ITM2B: variants seen among roughly 807,000 people sequenced by gnomAD.
ITM2B encodes the protein integral membrane protein 2B.
Under a neutral mutation model 27.8 loss-of-function variants are expected in ITM2B, and 11 were observed. That is an observed-to-expected ratio of 0.40 (90% CI 0.25 to 0.66). The LOEUF (loss-of-function observed/expected upper bound fraction) is 0.66. ITM2B is among the 30% of genes least tolerant of loss of function. The pLI, the probability that ITM2B is intolerant of heterozygous loss-of-function variation, is 0.43. For synonymous variants in ITM2B, 114 were observed against 114.3 expected (o/e 1.00, Z 0.02); for missense variants, 296 against 328.9 (o/e 0.90, Z 0.77).
At chr13:48,233,674 G>T (rs1951650352) in intron 1 of ITM2B, among the ~76,000 whole-genome samples, 197 bp downstream of exon 1, 1 of 152,150 alleles carries the variant, frequency 6.6e-6, no homozygotes, top group Admixed American at 6.5e-5. Context: ...TGGAAGCGGT[G>T]CCTGACGCGG....
chr13:48,252,406 TC>T (rs1951760607), intron 1 of ITM2B, among the ~76,000 whole-genome samples: 1 of 152,226 alleles, frequency 6.6e-6, no homozygotes, highest in Non-Finnish European at 1.5e-5. Flanking sequence ...CTCCGCCTCC[TC>T]TCAGATCAGC....
rs773922518 is a variant in ITM2B, at chr13:48,258,869, G to A, written c.637G>A (p.Asp213Asn). The A allele has an allele frequency of 6.2e-7, 1 of 1,613,402 alleles. No homozygotes were observed. Among genetic ancestry groups the A allele is most frequent in the Non-Finnish European group, 8.5e-7 (1 of 1,179,410 alleles). Residue 213 changes from aspartate to asparagine, a missense_variant, in exon 5 of 6, where the codon GAT (aspartate) becomes AAT (asparagine). Coordinates refer to ENST00000647800, the MANE Select transcript of ITM2B (RefSeq NM_021999.5). The part of the protein sequence containing the change: ...MVITDRIENI[D>N]HLGFFIYRLC... The stretch of plus-strand genomic sequence containing the variant: ...TATTACTGATCGCATTGAAAACATT[G>A]ATCACCTGGGTTTCTTTATTTATCG...
At chr13:48,238,828 T>A (rs1217980379) in intron 1 of ITM2B, among the ~76,000 whole-genome samples, 1 of 152,224 alleles carries the variant, frequency 6.6e-6, no homozygotes, top group South Asian at 2.1e-4. Context: ...AATTATTATT[T>A]TTTTTTAGTG....
chr13:48,266,835 T>C lies in ITM2B; in HGVS notation c.*5611T>C, dbSNP rs1318631026. On this transcript the variant is annotated 3_prime_UTR_variant, in exon 6 of 6. Coordinates refer to ENST00000647800, the MANE Select transcript of ITM2B (RefSeq NM_021999.5). Reference sequence around the variant, plus strand: ...TTAAGATTTTCATATGACAGAAGTGTATATATATCCACAAATGTTTCAAGC... The same window carrying C: ...TTAAGATTTTCATATGACAGAAGTGCATATATATCCACAAATGTTTCAAGC... 3.3e-5 allele frequency: 5 copies of C among 152,162 alleles called. No individual in the cohort carries two copies. Among genetic ancestry groups the C allele is most frequent in the African/African-American group, 1.2e-4 (5 of 41,428 alleles). The allele number at this position is 152,162 out of a possible 1,614,324, so 9.4% of individuals were successfully genotyped here. A position where few individuals can be genotyped will look rare whatever the true frequency, so the allele number is the denominator to read the frequency against.
chr13:48,239,132 C>T (rs1286552715), intron 1 of ITM2B, among the ~76,000 whole-genome samples: 2 of 152,162 alleles, frequency 1.3e-5, no homozygotes, highest in Admixed American at 6.5e-5. Context: ...TTTAGCTTTG[C>T]ATTATCAGTT....
rs1387576089 is a variant in ITM2B, at chr13:48,265,258, G to T, written c.*4034G>T. ...CCCATTCCCCAACAGTTTAACGTGC[G>T]ATACAATAATGTGTGACACAAAATG... On this transcript the variant is annotated 3_prime_UTR_variant, in exon 6 of 6. Transcript: ENST00000647800. The T allele has an allele frequency of 6.6e-6, 1 of 152,110 alleles. No homozygotes were observed. Among genetic ancestry groups the T allele is most frequent in the Non-Finnish European group, 1.5e-5 (1 of 68,016 alleles). 9.4% of individuals were successfully genotyped at this position (152,110 alleles called of 1,614,324 possible).
chr13:48,237,179 A>G (rs1406625308), intron 1 of ITM2B, among the ~76,000 whole-genome samples: 1 of 152,192 alleles, frequency 6.6e-6, no homozygotes, highest in Non-Finnish European at 1.5e-5. Flanking sequence ...GCCATTTACT[A>G]TAATGTTGAT....
chr13:48,245,091 T>C (rs184369870), intron 1 of ITM2B, among the ~76,000 whole-genome samples: 242 of 152,252 alleles, frequency 1.6e-3, no homozygotes, highest in African/African-American at 5.5e-3. Context: ...TTTGGGAGGC[T>C]GAGGCGGGCG....
At chr13:48,250,471 A>C (rs1951748883) in intron 1 of ITM2B, among the ~76,000 whole-genome samples, 1 of 152,086 alleles carries the variant, frequency 6.6e-6, no homozygotes, top group Non-Finnish European at 1.5e-5. Context: ...ACAAAAAATT[A>C]GCCGGGTGTG....
At chr13:48,250,210 A>G (rs969741906) in intron 1 of ITM2B, among the ~76,000 whole-genome samples, 6 of 152,218 alleles carry the variant, frequency 3.9e-5, no homozygotes, top group African/African-American at 1.2e-4. Flanking sequence ...AAATAGCCAC[A>G]GTTTGTTTTA....
Position 48,256,171 on chromosome 13 carries a change from C to G in ITM2B, c.247-6C>G. 3 of 1,605,128 alleles carry G rather than the reference C, an allele frequency of 1.9e-6. No individual in the cohort carries two copies. Among genetic ancestry groups the G allele is most frequent in the Non-Finnish European group, 2.6e-6 (3 of 1,172,502 alleles). On this transcript the variant is annotated splice_region_variant and splice_polypyrimidine_tract_variant and intron_variant, in intron 2 of 5. Coordinates refer to ENST00000647800, the MANE Select transcript of ITM2B (RefSeq NM_021999.5). ...TTGCTGAAATGAGTCTTTAAACTCTCTATAGCCAGATGACGTGTACTACTG... is the reference window on the plus strand; with the variant it reads ...TTGCTGAAATGAGTCTTTAAACTCTGTATAGCCAGATGACGTGTACTACTG...
At chr13:48,253,699 C>T in intron 1 of ITM2B, 109 bp from the exon 2 acceptor site, 2 of 1,132,270 alleles carry the variant, frequency 1.8e-6, no homozygotes, top group Non-Finnish European at 2.7e-6. Flanking sequence ...CTCCTTTGGT[C>T]TTTGTGTCTT....
chr13:48,246,167 C>T (rs73485065), intron 1 of ITM2B, among the ~76,000 whole-genome samples: 1 of 152,264 alleles, frequency 6.6e-6, no homozygotes, highest in African/African-American at 2.4e-5. Flanking sequence ...TGGTATAATT[C>T]CCAATTTTGA....
intron 3 of ITM2B, among the ~76,000 whole-genome samples, 190 bp from the exon 4 acceptor site, chr13:48,257,936 T>C (rs1366152646): frequency 6.6e-6 from 1 of 152,206 alleles, no homozygotes; most frequent in Admixed American, 6.5e-5. Context: ...TATTTACTGG[T>C]AGCAATATTT....
At position 48,266,159 on chromosome 13, in the gene ITM2B, G is replaced by A. The variant is rs1053578016; in HGVS notation, c.*4935G>A. ...TGAGTTGCCTTGAATATAAGATTCAGTGATGGTGTCCTGCTGCACTTAAGA... is the reference window on the plus strand; with the variant it reads ...TGAGTTGCCTTGAATATAAGATTCAATGATGGTGTCCTGCTGCACTTAAGA... On this transcript the variant is annotated 3_prime_UTR_variant, in exon 6 of 6. Coordinates refer to ENST00000647800, the MANE Select transcript of ITM2B (RefSeq NM_021999.5). 2.0e-5 allele frequency: 3 copies of A among 152,152 alleles called. No individual in the cohort carries two copies. Among genetic ancestry groups the A allele is most frequent in the African/African-American group, 7.2e-5 (3 of 41,422 alleles). The allele number at this position is 152,152 out of a possible 1,614,324, so 9.4% of individuals were successfully genotyped here. A position where few individuals can be genotyped will look rare whatever the true frequency, so the allele number is the denominator to read the frequency against.
chr13:48,241,562 C>T, intron 1 of ITM2B, among the ~76,000 whole-genome samples: 1 of 151,484 alleles, frequency 6.6e-6, no homozygotes, highest in South Asian at 2.1e-4. Flanking sequence ...GGTTGTTAAA[C>T]ATTTTGCTCT....
Position 48,256,324 on chromosome 13 carries a change from G to T in ITM2B, c.394G>T (p.Val132Leu). Residue 132 changes from valine (V) to leucine (L), a missense_variant, in exon 3 of 6, where the codon GTG becomes TTG. By Grantham distance (32) the Val-to-Leu change is conservative. Coordinates refer to ENST00000647800, the MANE Select transcript of ITM2B (RefSeq NM_021999.5). ...AGAAGAAGAAGTTGAATTTATCAGT[G>T]TGCCTGTCCCAGAGTTTGCAGATAG... ...FEEEEVEFIS[V>L]PVPEFADSDP... The T allele has an allele frequency of 1.2e-6, 2 of 1,614,058 alleles. No homozygotes were observed.
intron 3 of ITM2B, 141 bp from the exon 4 acceptor site, chr13:48,257,985 A>C (rs1951799694): frequency 1.6e-6 from 1 of 609,152 alleles, no homozygotes; most frequent in South Asian, 1.7e-5. Flanking sequence ...TATCCAGCCA[A>C]ATTCTGAATT....
intron 2 of ITM2B, among the ~76,000 whole-genome samples, chr13:48,255,939 A>G (rs1021705271): frequency 6.6e-6 from 1 of 152,176 alleles, no homozygotes; most frequent in Non-Finnish European, 1.5e-5. Flanking sequence ...ATTTTCACCT[A>G]CCAGGAAAAG....
Sources: allele counts gnomAD v4.1 joint callset (sites outside exome capture counted in the v4.1 genomes callset), GRCh38; gene constraint gnomAD v4.1.1; transcripts MANE v1.5; gene names NCBI Gene and HGNC (gene_info 2026-07-23, HGNC 2026-07-21).